The following EXT1 variants were observed in gnomAD, a reference collection of about 807,000 sequenced individuals.
EXT1 encodes the protein exostosin glycosyltransferase 1, also known as exostosin-1.
In EXT1, 20 loss-of-function variants were observed where a neutral mutation model predicts 82.5. That is an observed-to-expected ratio of 0.24 (90% CI 0.17 to 0.35). The LOEUF (loss-of-function observed/expected upper bound fraction) is 0.35, where lower values mean the gene tolerates loss of function less well. EXT1 is among the 10% of genes least tolerant of loss of function. EXT1 has a pLI of 1.00. For missense variants in EXT1, 757 were observed against 936.5 expected (o/e 0.81, Z 2.50); for synonymous variants, 348 against 350.8 (o/e 0.99, Z 0.09).
intron 1 of EXT1, among the ~76,000 whole-genome samples, chr8:117,853,513 G>A (rs1409204171): frequency 6.6e-6 from 1 of 152,194 alleles, no homozygotes; most frequent in Non-Finnish European, 1.5e-5. Context: ...GATCATATCA[G>A]AGCATTCCAG....
At position 117,986,402 on chromosome 8, in the gene EXT1, T is replaced by A. The variant is rs111960237; in HGVS notation, c.962+123683A>T. Among the ~76,000 whole-genome samples the A allele has an allele frequency of 6.3e-3, 953 of 152,216 alleles. 9 individuals carry two copies. The highest frequency in any genetic ancestry group is 0.022 in the African/African-American group (919 of 41,544). On this transcript the variant is annotated intron_variant, in intron 1 of 10. Transcript: ENST00000378204. ...GAGGGGTTTTGACATGTTGACCAAC[T>A]GAGGAGTTGTTCTCAAACTCCTAAT...
intron 1 of EXT1, among the ~76,000 whole-genome samples, chr8:118,061,604 T>C (rs757667859): frequency 1.3e-5 from 2 of 152,134 alleles, no homozygotes; most frequent in African/African-American, 2.4e-5. Flanking sequence ...CCTCCACACA[T>C]CTGGAGGTAA....
At position 117,872,694 on chromosome 8, in the gene EXT1, A is replaced by T. The variant is rs183044208; in HGVS notation, c.963-35493T>A. Among the ~76,000 whole-genome samples, 252 of 152,326 alleles carry T rather than the reference A, an allele frequency of 1.7e-3. 1 individual carries two copies. Among genetic ancestry groups the T allele is most frequent in the African/African-American group, 5.7e-3 (236 of 41,578 alleles). On this transcript the variant is annotated intron_variant, in intron 1 of 10. Coordinates refer to ENST00000378204, the MANE Select transcript of EXT1 (RefSeq NM_000127.3). ...AAATTATTATTTTGATTATTCACAA[A>T]ATGGAAAAGAAAGAAATGGCAATAT...
intron 1 of EXT1, among the ~76,000 whole-genome samples, chr8:117,864,800 GAA>G (rs1031571972): frequency 6.6e-6 from 1 of 151,664 alleles, no homozygotes; most frequent in Admixed American, 6.6e-5. Flanking sequence ...AATGCTTCAG[GAA>G]AGTTATGAAT....
chr8:117,947,047 T>C (rs1329301505), intron 1 of EXT1, among the ~76,000 whole-genome samples: 2 of 152,178 alleles, frequency 1.3e-5, no homozygotes, highest in South Asian at 4.1e-4. Flanking sequence ...CAGAGAGATC[T>C]GTTCTGTCTT....
chr8:117,983,572 A>C (rs1815251962), intron 1 of EXT1, among the ~76,000 whole-genome samples: 1 of 152,202 alleles, frequency 6.6e-6, no homozygotes, highest in Non-Finnish European at 1.5e-5. Context: ...TATGTTCTAA[A>C]CATCATCCAA....
At position 118,078,622 on chromosome 8, in the gene EXT1, C is replaced by T. The variant is rs17506030; in HGVS notation, c.962+31463G>A. 5.1e-4 allele frequency among the ~76,000 whole-genome samples: 77 copies of T among 150,874 alleles called. 1 individual carries two copies. The highest frequency in any genetic ancestry group is 1.8e-3 in the African/African-American group (73 of 41,128). On this transcript the variant is annotated intron_variant, in intron 1 of 10. Coordinates refer to ENST00000378204, the MANE Select transcript of EXT1 (RefSeq NM_000127.3). ...AAGACATTTACATCATAAATACATACGTCATCTTTCCACAAATGAAGGGTA... is the reference window on the plus strand; with the variant it reads ...AAGACATTTACATCATAAATACATATGTCATCTTTCCACAAATGAAGGGTA...
At position 117,804,832 on chromosome 8, in the gene EXT1, A is replaced by G. The variant is rs1158439363; in HGVS notation, c.1945T>C (p.Leu649=). ...PASLKNMVDQ[L]ANCEDILMNF... ...ATGAGAATGTCCTCACAATTGGCCA[A>G]TTGGTCCACCATGTTCTTCAGGCTG... The change falls in exon 10 of 11, where the codon TTG becomes CTG. Residue 649 remains leucine (L), a synonymous_variant. Coordinates refer to ENST00000378204, the MANE Select transcript of EXT1 (RefSeq NM_000127.3). 3.7e-6 allele frequency: 6 copies of G among 1,613,990 alleles called. No homozygotes were observed. Among genetic ancestry groups the G allele is most frequent in the African/African-American group, 1.3e-5 (1 of 74,914 alleles).
chr8:117,908,049 G>A (rs1813575038), intron 1 of EXT1, among the ~76,000 whole-genome samples: 1 of 152,168 alleles, frequency 6.6e-6, no homozygotes, highest in Non-Finnish European at 1.5e-5. Context: ...AAAGTTTAAA[G>A]AAACAGCTTT....
chr8:118,074,622 C>G (rs946223863), intron 1 of EXT1, among the ~76,000 whole-genome samples: 1 of 149,758 alleles, frequency 6.7e-6, no homozygotes, highest in Non-Finnish European at 1.5e-5. Context: ...TTGAATTGAG[C>G]GAGCCCGGGG....
chr8:117,986,688 C>G (rs774167111), intron 1 of EXT1, among the ~76,000 whole-genome samples: 1 of 152,142 alleles, frequency 6.6e-6, no homozygotes, highest in African/African-American at 2.4e-5. Flanking sequence ...GTGCTAGGCT[C>G]ATTTTTTAAA....
At chr8:117,986,378 A>C (rs1282451057) in intron 1 of EXT1, among the ~76,000 whole-genome samples, 1 of 151,980 alleles carries the variant, frequency 6.6e-6, no homozygotes, top group Non-Finnish European at 1.5e-5. Flanking sequence ...TTTAGCAGAG[A>C]GGGGTTTTGA....
At chr8:118,083,346 A>C (rs1817364419) in intron 1 of EXT1, among the ~76,000 whole-genome samples, 1 of 152,204 alleles carries the variant, frequency 6.6e-6, no homozygotes, top group African/African-American at 2.4e-5. Flanking sequence ...TGTACTATTT[A>C]ATACTCTCCA....
chr8:117,966,949 CATA>C (rs1814823940), intron 1 of EXT1, among the ~76,000 whole-genome samples: 1 of 152,168 alleles, frequency 6.6e-6, no homozygotes, highest in Non-Finnish European at 1.5e-5. Context: ...CTATTTCATG[CATA>C]ATTACCATGC....
At chr8:117,978,888 G>A (rs1815124291) in intron 1 of EXT1, among the ~76,000 whole-genome samples, 1 of 152,160 alleles carries the variant, frequency 6.6e-6, no homozygotes, top group Non-Finnish European at 1.5e-5. Context: ...ACCTTGTAAT[G>A]GAGGTAGGAT....
intron 1 of EXT1, among the ~76,000 whole-genome samples, chr8:117,910,392 A>G (rs567537862): frequency 1.3e-5 from 2 of 151,944 alleles, no homozygotes; most frequent in Non-Finnish European, 1.5e-5. Flanking sequence ...CCTCTCCACC[A>G]CTCCAGGAAA....
intron 1 of EXT1, among the ~76,000 whole-genome samples, chr8:118,051,273 G>A (rs1267821605): frequency 6.6e-6 from 1 of 152,130 alleles, no homozygotes; most frequent in Non-Finnish European, 1.5e-5. Flanking sequence ...CGGAGGTCGA[G>A]GCTGCAGTGA....
At chr8:118,072,279 G>T (rs1022764511) in intron 1 of EXT1, among the ~76,000 whole-genome samples, 1 of 152,150 alleles carries the variant, frequency 6.6e-6, no homozygotes, top group African/African-American at 2.4e-5. Context: ...AGCAGGAAAG[G>T]ACCAATGATA....
At chr8:117,902,983 G>T (rs1033709363) in intron 1 of EXT1, among the ~76,000 whole-genome samples, 6 of 152,048 alleles carry the variant, frequency 3.9e-5, no homozygotes, top group Admixed American at 2.0e-4. Context: ...TTATTCCACG[G>T]ACAGGCATGA....
Sources: gnomAD v4.1 joint callset for allele counts (sites outside exome capture counted in the v4.1 genomes callset) on GRCh38, gnomAD v4.1.1 for gene constraint, MANE v1.5 for transcripts, NCBI Gene and HGNC (gene_info 2026-07-23, HGNC 2026-07-21) for gene names.